The following ANKS1B variants were observed in gnomAD, a reference collection of about 807,000 sequenced individuals.
ANKS1B encodes the protein ankyrin repeat and sterile alpha motif domain-containing protein 1B.
In ANKS1B, 36 loss-of-function variants were observed where a neutral mutation model predicts 148.3. The ratio of observed to expected loss-of-function variants is 0.24; its 90% CI spans 0.19 to 0.32. The LOEUF is 0.32. Ranked by LOEUF, ANKS1B falls within the 10% of genes least tolerant of loss-of-function variation. The probability of loss-of-function intolerance (pLI) is 1.00; values close to 1 mark genes in which losing one functional copy is unlikely to be tolerated. For synonymous variants in ANKS1B, 542 were observed against 560.8 expected, an observed-to-expected ratio of 0.97 and a Z score of 0.47; for missense variants, 1,157 against 1,542.6, an observed-to-expected ratio of 0.75 and a Z score of 4.19.
At chr12:99,476,082 T>C (rs983758519) in intron 10 of ANKS1B, among the ~76,000 whole-genome samples, 1 of 152,120 alleles carries the variant, frequency 6.6e-6, no homozygotes, top group Non-Finnish European at 1.5e-5. Context: ...AAGAAAAAGA[T>C]TGATATATTT....
chr12:98,941,828 A>G (rs1597315056), intron 17 of ANKS1B, among the ~76,000 whole-genome samples: 1 of 152,330 alleles, frequency 6.6e-6, no homozygotes, highest in East Asian at 1.9e-4. Context: ...TGATGGGCAG[A>G]ATATATATAG....
At chr12:99,465,591 G>A (rs1670136868) in intron 10 of ANKS1B, among the ~76,000 whole-genome samples, 1 of 152,082 alleles carries the variant, frequency 6.6e-6, no homozygotes, top group Admixed American at 6.5e-5. Flanking sequence ...TAAAAGGATG[G>A]AGGAAGATCT....
chr12:99,374,515 T>C (rs1301557663), intron 12 of ANKS1B, among the ~76,000 whole-genome samples: 2 of 152,174 alleles, frequency 1.3e-5, no homozygotes, highest in Non-Finnish European at 2.9e-5. Context: ...AAAGATAGGC[T>C]CCGAAATAAT....
chr12:98,924,562 G>A (rs954677555), intron 17 of ANKS1B, among the ~76,000 whole-genome samples: 99 of 152,158 alleles, frequency 6.5e-4, no homozygotes, highest in African/African-American at 2.2e-3. Flanking sequence ...CCCATTGGTC[G>A]ATTTTACCTT....
intron 12 of ANKS1B, among the ~76,000 whole-genome samples, chr12:99,309,523 G>A (rs1375778587): frequency 6.6e-6 from 1 of 152,020 alleles, no homozygotes; most frequent in African/African-American, 2.4e-5. Flanking sequence ...TGTGAGTCTT[G>A]TCTTTAGGAA....
At chr12:99,522,609 G>A (rs959428321) in intron 9 of ANKS1B, among the ~76,000 whole-genome samples, 1 of 152,078 alleles carries the variant, frequency 6.6e-6, no homozygotes, top group East Asian at 1.9e-4. Context: ...CTCAGTAAAA[G>A]GTTCTATGCT....
At chr12:99,220,602 A>AC (rs1379248367) in intron 14 of ANKS1B, among the ~76,000 whole-genome samples, 1 of 150,032 alleles carries the variant, frequency 6.7e-6, no homozygotes, top group African/African-American at 2.5e-5. Context: ...ACCCACCACC[A>AC]CCCCCGGCTA....
intron 1 of ANKS1B, among the ~76,000 whole-genome samples, chr12:99,826,377 C>T (rs901897634): frequency 1.3e-5 from 2 of 152,080 alleles, no homozygotes; most frequent in Non-Finnish European, 2.9e-5. Context: ...ATAGCTATTC[C>T]AAACAAGGGG....
intron 16 of ANKS1B, among the ~76,000 whole-genome samples, chr12:99,070,084 C>T (rs111926026): frequency 6.6e-5 from 10 of 152,256 alleles, no homozygotes; most frequent in African/African-American, 1.9e-4. Context: ...GTGCCTGGCA[C>T]GTAGGCAATT....
chr12:99,729,613 A>G (rs1468395388), intron 8 of ANKS1B, among the ~76,000 whole-genome samples: 1 of 152,066 alleles, frequency 6.6e-6, no homozygotes, highest in Non-Finnish European at 1.5e-5. Context: ...GCTACTTTCT[A>G]GTCATTTTCT....
intron 12 of ANKS1B, among the ~76,000 whole-genome samples, chr12:99,335,038 C>T (rs191893273): frequency 2.0e-5 from 3 of 152,096 alleles, no homozygotes; most frequent in Non-Finnish European, 2.9e-5. Context: ...ATTGAGTCCT[C>T]GCGATGGTCT....
At chr12:98,827,522 T>C (rs1390849000) in intron 19 of ANKS1B, among the ~76,000 whole-genome samples, 2 of 152,206 alleles carry the variant, frequency 1.3e-5, no homozygotes, top group East Asian at 3.8e-4. Context: ...CATTTCTGAT[T>C]GGAGTGACCC....
At chr12:98,768,665 C>T (rs1459654656) in intron 25 of ANKS1B, among the ~76,000 whole-genome samples, 1 of 146,722 alleles carries the variant, frequency 6.8e-6, no homozygotes, top group African/African-American at 2.5e-5. Context: ...ACCCGGGAGG[C>T]GGAGCTTGCA....
chr12:99,297,607 T>C (rs2081056047), intron 12 of ANKS1B, among the ~76,000 whole-genome samples: 1 of 152,170 alleles, frequency 6.6e-6, no homozygotes, highest in South Asian at 2.1e-4. Flanking sequence ...GAAGGAAAAG[T>C]CACAACTGAA....
At chr12:99,577,200 T>C (rs703700) in intron 9 of ANKS1B, among the ~76,000 whole-genome samples, 100,340 of 151,160 alleles carry the variant, frequency 0.66, 33,924 homozygotes, top group African/African-American at 0.8. Flanking sequence ...CAGTTAAGAT[T>C]ATACTGTGTA....
chr12:99,655,456 A>G (rs1300384372), intron 8 of ANKS1B, among the ~76,000 whole-genome samples: 1 of 152,230 alleles, frequency 6.6e-6, no homozygotes, highest in East Asian at 1.9e-4. Flanking sequence ...AATGAAGAAT[A>G]GAACATGATA....
chr12:99,593,773 C>G (rs1179063363), intron 9 of ANKS1B, among the ~76,000 whole-genome samples: 1 of 152,058 alleles, frequency 6.6e-6, no homozygotes, highest in Non-Finnish European at 1.5e-5. Context: ...TAGGTTGTGA[C>G]AATAGCATTT....
At chr12:99,951,109 C>T (rs185260147) in intron 1 of ANKS1B, among the ~76,000 whole-genome samples, 4 of 152,294 alleles carry the variant, frequency 2.6e-5, no homozygotes, top group Admixed American at 2.6e-4. Context: ...AGTTTGATGC[C>T]ATTCTGATTT....
At chr12:98,835,362 G>A (rs7298247) in intron 17 of ANKS1B, among the ~76,000 whole-genome samples, 68,536 of 151,968 alleles carry the variant, frequency 0.45, 15,858 homozygotes, top group African/African-American at 0.52. Flanking sequence ...CATAGAAGAA[G>A]CAACTTTCAC....
Sources: gnomAD v4.1 joint callset for allele counts (sites outside exome capture counted in the v4.1 genomes callset) on GRCh38, gnomAD v4.1.1 for gene constraint, MANE v1.5 for transcripts, NCBI Gene and HGNC (gene_info 2026-07-23, HGNC 2026-07-21) for gene names.